The following PPARG variants were observed in gnomAD, a reference collection of about 807,000 sequenced individuals.
PPARG encodes peroxisome proliferator activated receptor gamma, also known as peroxisome proliferator-activated receptor gamma.
A neutral mutation model predicts 39.2 loss-of-function variants in PPARG; 17 were observed. That is an observed-to-expected ratio of 0.43 (90% CI 0.30 to 0.65). The LOEUF is 0.65. PPARG is among the 30% of genes least tolerant of loss of function. The pLI is 0.13. For synonymous variants in PPARG, 223 were observed against 215.7 expected (o/e 1.03, Z -0.30); for missense variants, 406 against 585.9 (o/e 0.69, Z 3.17).
chr3:12,289,604 C>T (rs565921656), intron 1 of PPARG, among the ~76,000 whole-genome samples: 2 of 152,292 alleles, frequency 1.3e-5, no homozygotes, highest in African/African-American at 4.8e-5. Context: ...GGCAAATCTT[C>T]GACAGGTTTC....
At chr3:12,332,314 A>G (rs959603285) in intron 2 of PPARG, among the ~76,000 whole-genome samples, 2 of 152,212 alleles carry the variant, frequency 1.3e-5, no homozygotes, top group Non-Finnish European at 2.9e-5. Flanking sequence ...CCCTGAATTG[A>G]TGATTCAAGA....
chr3:12,408,335 G>A (rs2050746358), intron 6 of PPARG, among the ~76,000 whole-genome samples: 1 of 152,158 alleles, frequency 6.6e-6, no homozygotes, highest in Admixed American at 6.5e-5. Flanking sequence ...TAGGACTGCT[G>A]GCTTTTACAT....
chr3:12,417,241 C>A, intron 7 of PPARG, 87 bp downstream of exon 7: 3 of 1,323,532 alleles, frequency 2.3e-6, no homozygotes, highest in Non-Finnish European at 3.2e-6. Context: ...TAGTGTTAGT[C>A]TGCATTGTCA....
At chr3:12,383,082 A>T (rs897484215) in intron 4 of PPARG, among the ~76,000 whole-genome samples, 1 of 152,224 alleles carries the variant, frequency 6.6e-6, no homozygotes, top group African/African-American at 2.4e-5. Flanking sequence ...TAATACAGTG[A>T]AAAGGGACAA....
In PPARG at chr3:12,431,127, T is replaced by C. The variant is rs549590978; in HGVS notation, c.1181-2771T>C. Among the ~76,000 whole-genome samples, 20 of 152,300 alleles carry C rather than the reference T, an allele frequency of 1.3e-4. 1 individual carries two copies. Among genetic ancestry groups the C allele is most frequent in the African/African-American group, 4.8e-4 (20 of 41,574 alleles). On this transcript the variant is annotated intron_variant, in intron 7 of 7. Transcript: ENST00000651735. ...ATGATCAAGTGAATGTTCTGTCTTC[T>C]TGATGAGCCTGACTGAGAAAACCTT... is the stretch of plus-strand genomic sequence containing the variant.
chr3:12,378,232 A>G (rs1305234016), intron 2 of PPARG, among the ~76,000 whole-genome samples: 3 of 152,222 alleles, frequency 2.0e-5, no homozygotes, highest in African/African-American at 7.2e-5. Flanking sequence ...AATTAAAAAT[A>G]GAACTAGCAT....
At chr3:12,396,727 C>T (rs2050276915) in intron 5 of PPARG, among the ~76,000 whole-genome samples, 1 of 140,406 alleles carries the variant, frequency 7.1e-6, no homozygotes, top group African/African-American at 2.7e-5. Context: ...CACTGCACTC[C>T]AGTCTGGGTA....
intron 6 of PPARG, among the ~76,000 whole-genome samples, chr3:12,408,238 T>G (rs1219897028): frequency 1.3e-5 from 2 of 152,216 alleles, no homozygotes; most frequent in African/African-American, 4.8e-5. Flanking sequence ...CAGTAGGAAT[T>G]CTTCACCTCA....
intron 1 of PPARG, among the ~76,000 whole-genome samples, chr3:12,300,356 C>T (rs2046895404): frequency 6.6e-6 from 1 of 152,228 alleles, no homozygotes; most frequent in African/African-American, 2.4e-5. Flanking sequence ...GAGAAAATGA[C>T]TCAGTGATTG....
chr3:12,413,134 T>C (rs1454777095), intron 6 of PPARG, among the ~76,000 whole-genome samples: 1 of 152,206 alleles, frequency 6.6e-6, no homozygotes, highest in Non-Finnish European at 1.5e-5. Context: ...GTTAAATTAA[T>C]GATTCAAGAT....
chr3:12,351,872 A>G (rs2048499717), intron 2 of PPARG, among the ~76,000 whole-genome samples: 1 of 152,176 alleles, frequency 6.6e-6, no homozygotes, highest in African/African-American at 2.4e-5. Flanking sequence ...AACCTAACCT[A>G]ATCTATTTTA....
At chr3:12,310,903 G>T (rs1314849045) in intron 1 of PPARG, among the ~76,000 whole-genome samples, 3 of 148,350 alleles carry the variant, frequency 2.0e-5, no homozygotes. Context: ...GAGCGGTTTC[G>T]CTGTGGGTGC....
intron 6 of PPARG, among the ~76,000 whole-genome samples, chr3:12,411,830 G>A (rs1356349727): frequency 2.0e-5 from 3 of 152,244 alleles, no homozygotes; most frequent in African/African-American, 7.2e-5. Flanking sequence ...GTTTTGGATT[G>A]TAGCTAACCG....
intron 7 of PPARG, among the ~76,000 whole-genome samples, chr3:12,419,278 C>T (rs2051181549): frequency 6.6e-6 from 1 of 151,990 alleles, no homozygotes; most frequent in Non-Finnish European, 1.5e-5. Flanking sequence ...AATATACTAC[C>T]TGGCATGGTT....
chr3:12,399,696 AGAAG>A (rs2050399254), intron 5 of PPARG, among the ~76,000 whole-genome samples: 2 of 151,156 alleles, frequency 1.3e-5, no homozygotes, highest in Admixed American at 6.6e-5. Context: ...AGGGAGGAAA[AGAAG>A]GAAGGAAAGA....
Position 12,416,774 on chromosome 3 carries a change from C to A in PPARG, c.800C>A (p.Pro267His). ...EDKIKFKHIT[P>H]LQEQSKEVAI... ...AAAATCAAGTTCAAACACATCACCC[C>A]CCTGCAGGAGCAGAGCAAAGAGGTG... The change falls in exon 7 of 8, where the codon CCC becomes CAC. Residue 267 changes from proline (P) to histidine (H), a missense_variant. Transcript: ENST00000651735. The A allele has an allele frequency of 1.9e-6, 3 of 1,614,090 alleles. No homozygotes were observed. Among genetic ancestry groups the A allele is most frequent in the Non-Finnish European group, 2.5e-6 (3 of 1,179,984 alleles).
chr3:12,371,830 A>G (rs1295556702), intron 2 of PPARG: 3 of 671,234 alleles, frequency 4.5e-6, no homozygotes, highest in Non-Finnish European at 8.2e-6. Context: ...GATGATCTCA[A>G]AACAGCCTTT....
intron 2 of PPARG, chr3:12,351,791 T>C: frequency 1.3e-6 from 1 of 794,696 alleles, no homozygotes; most frequent in Non-Finnish European, 2.2e-6. Flanking sequence ...ATGTGTACAC[T>C]CCAGTATTTT....
chr3:12,386,892 C>T (rs1332928035), intron 4 of PPARG, among the ~76,000 whole-genome samples: 1 of 151,632 alleles, frequency 6.6e-6, no homozygotes, highest in Non-Finnish European at 1.5e-5. Context: ...CTGATAGGCC[C>T]CACTGTGTGA....
Sources: gnomAD v4.1 joint callset for allele counts (sites outside exome capture counted in the v4.1 genomes callset) on GRCh38, gnomAD v4.1.1 for gene constraint, MANE v1.5 for transcripts, NCBI Gene and HGNC (gene_info 2026-07-23, HGNC 2026-07-21) for gene names.